MPPED2: variants seen among roughly 807,000 people sequenced by gnomAD.
MPPED2 encodes metallophosphoesterase MPPED2.
Under a neutral mutation model 33.0 loss-of-function variants are expected in MPPED2, and 5 were observed. That is an observed-to-expected ratio of 0.15 (90% CI 0.08 to 0.32). The LOEUF is 0.32. Among genes scored for constraint, MPPED2 ranks in the 10% least tolerant of loss-of-function variants. The pLI is 1.00. For synonymous variants in MPPED2, 136 were observed against 141.9 expected, an observed-to-expected ratio of 0.96 and a Z score of 0.29; for missense variants, 275 against 372.1, an observed-to-expected ratio of 0.74 and a Z score of 2.15.
intron 5 of MPPED2, 45 bp from the exon 6 acceptor site, chr11:30,414,386 G>C: frequency 7.8e-7 from 1 of 1,277,284 alleles, no homozygotes; most frequent in Non-Finnish European, 1.1e-6. Context: ...CTTTCTTCAG[G>C]TAAGGTTTCA....
In MPPED2 at chr11:30,523,114, G is replaced by A. The variant is rs74537508; in HGVS notation, c.310+12880C>T. 2.4e-3 allele frequency among the ~76,000 whole-genome samples: 358 copies of A among 151,658 alleles called. 3 individuals carry two copies. Among genetic ancestry groups the A allele is most frequent in the African/African-American group, 8.1e-3 (334 of 41,320 alleles). On this transcript the variant is annotated intron_variant, in intron 3 of 6. Transcript: ENST00000358117. ...AGAGTAGAGCCCTGAAGACTTTCAC[G>A]CAAAACCAATAATGAAAATTTATCA...
intron 2 of MPPED2, among the ~76,000 whole-genome samples, chr11:30,563,518 C>A (rs1409028244): frequency 1.3e-5 from 2 of 152,050 alleles, no homozygotes; most frequent in East Asian, 3.9e-4. Flanking sequence ...TCCCAACAAA[C>A]CATTCTTAAG....
chr11:30,563,734 C>T (rs377145797), intron 2 of MPPED2, among the ~76,000 whole-genome samples: 1 of 152,164 alleles, frequency 6.6e-6, no homozygotes, highest in African/African-American at 2.4e-5. Context: ...ATATTGAAGA[C>T]TGTTTATTGA....
intron 2 of MPPED2, among the ~76,000 whole-genome samples, chr11:30,567,547 A>C (rs1460516914): frequency 6.6e-6 from 1 of 152,036 alleles, no homozygotes; most frequent in Non-Finnish European, 1.5e-5. Flanking sequence ...TCATACTCAA[A>C]CAGTTACTAA....
chr11:30,505,216 A>C (rs1434247261), intron 3 of MPPED2, among the ~76,000 whole-genome samples: 2 of 151,930 alleles, frequency 1.3e-5, no homozygotes, highest in Non-Finnish European at 2.9e-5. Context: ...CTGCTCAGCA[A>C]CTCCTTATTT....
intron 2 of MPPED2, among the ~76,000 whole-genome samples, chr11:30,560,865 GA>G (rs1956211291): frequency 1.3e-5 from 2 of 152,250 alleles, no homozygotes; most frequent in South Asian, 4.1e-4. Flanking sequence ...TGGTGTGGAA[GA>G]AAAAGAAAAC....
chr11:30,470,794 G>A (rs1457532376), intron 4 of MPPED2, among the ~76,000 whole-genome samples: 1 of 151,924 alleles, frequency 6.6e-6, no homozygotes, highest in Non-Finnish European at 1.5e-5. Context: ...CTAACCCTTA[G>A]TACCATGTTC....
intron 2 of MPPED2, among the ~76,000 whole-genome samples, chr11:30,550,419 C>T (rs1369857252): frequency 6.6e-6 from 1 of 152,092 alleles, no homozygotes; most frequent in Non-Finnish European, 1.5e-5. Context: ...CTTCCAGAGC[C>T]AAAGCCCGTC....
rs561907279 is a variant in MPPED2 at position 30,510,532 on chromosome 11, G to C, written c.311-15011C>G. On this transcript the variant is annotated intron_variant, in intron 3 of 6. Transcript: ENST00000358117. Reference sequence around the variant, plus strand: ...TTGAGAGCAAAAGATTTTCTAGATTGGTATCTTTTTATAATATGTAGGCTC... The same window carrying C: ...TTGAGAGCAAAAGATTTTCTAGATTCGTATCTTTTTATAATATGTAGGCTC... Among the ~76,000 whole-genome samples, 3 of 152,150 alleles carry C rather than the reference G, an allele frequency of 2.0e-5. No homozygotes were observed. In the East Asian group the frequency reaches 5.8e-4, roughly 29 times the overall value.
chr11:30,434,480 C>T (rs1202310158), intron 4 of MPPED2, among the ~76,000 whole-genome samples: 2 of 152,160 alleles, frequency 1.3e-5, no homozygotes, highest in Non-Finnish European at 2.9e-5. Flanking sequence ...ACTGGATCCA[C>T]AGATCATCCT....
intron 4 of MPPED2, among the ~76,000 whole-genome samples, chr11:30,471,407 G>C (rs1377332919): frequency 6.6e-6 from 1 of 152,148 alleles, no homozygotes; most frequent in African/African-American, 2.4e-5. Flanking sequence ...CGGCACATGA[G>C]GCCCTTATGA....
At chr11:30,390,921 T>C (rs1947765222) in intron 6 of MPPED2, among the ~76,000 whole-genome samples, 1 of 152,096 alleles carries the variant, frequency 6.6e-6, no homozygotes, top group Admixed American at 6.5e-5. Flanking sequence ...AGGGCAGCAT[T>C]CAAAGACGAT....
chr11:30,495,583 C>T (rs534961780), intron 3 of MPPED2, 62 bp from the exon 4 acceptor site: 25 of 1,257,868 alleles, frequency 2.0e-5, no homozygotes, highest in African/African-American at 1.5e-4. Context: ...GTACAACAGC[C>T]GAGACTGTGT....
chr11:30,513,107 T>C (rs1000168300), intron 3 of MPPED2, among the ~76,000 whole-genome samples: 7 of 152,056 alleles, frequency 4.6e-5, no homozygotes, highest in Admixed American at 1.3e-4. Flanking sequence ...AAAAACATAT[T>C]CTTCCATTTT....
intron 2 of MPPED2, among the ~76,000 whole-genome samples, chr11:30,578,540 G>A (rs1300299999): frequency 2.6e-5 from 4 of 152,192 alleles, no homozygotes; most frequent in Non-Finnish European, 5.9e-5. Flanking sequence ...TGCATTCACA[G>A]TTCGCCAGTG....
At chr11:30,481,596 G>T (rs1590474032) in intron 4 of MPPED2, among the ~76,000 whole-genome samples, 1 of 152,116 alleles carries the variant, frequency 6.6e-6, no homozygotes, top group African/African-American at 2.4e-5. Flanking sequence ...ACACATGAGA[G>T]GAGGGGAGCT....
chr11:30,512,421 G>A (rs75404874), intron 3 of MPPED2, among the ~76,000 whole-genome samples: 3,895 of 152,222 alleles, frequency 0.026, 76 homozygotes, highest in Middle Eastern at 0.085. Flanking sequence ...GGCAAGTGGG[G>A]TCAAGGGAAA....
chr11:30,559,019 C>A (rs1027446908), intron 2 of MPPED2, among the ~76,000 whole-genome samples: 3 of 152,050 alleles, frequency 2.0e-5, no homozygotes, highest in Admixed American at 6.6e-5. Flanking sequence ...ATAAAGATAT[C>A]TTTAAAGCTA....
chr11:30,561,259 G>T (rs61884750), intron 2 of MPPED2, among the ~76,000 whole-genome samples: 18,516 of 152,130 alleles, frequency 0.12, 1,407 homozygotes, highest in Middle Eastern at 0.24. Context: ...TGTATTTTAT[G>T]AACTTCTCTG....
Sources: gnomAD v4.1 joint callset for allele counts (sites outside exome capture counted in the v4.1 genomes callset) on GRCh38, gnomAD v4.1.1 for gene constraint, MANE v1.5 for transcripts, NCBI Gene and HGNC (gene_info 2026-07-23, HGNC 2026-07-21) for gene names.